Variants in CTCF observed in about 807,000 individuals in gnomAD.
CTCF encodes transcriptional repressor CTCF.
In CTCF, 7 loss-of-function variants were observed where a neutral mutation model predicts 72.3. The ratio of observed to expected loss-of-function variants is 0.10; its 90% CI spans 0.06 to 0.18. The LOEUF (loss-of-function observed/expected upper bound fraction) is 0.18. Ranked by LOEUF, CTCF falls within the 10% of genes least tolerant of loss-of-function variation. The pLI, the probability that CTCF is intolerant of heterozygous loss-of-function variation, is 1.00. For synonymous variants in CTCF, 374 were observed against 315.8 expected (o/e 1.18, Z -1.95); for missense variants, 516 against 949.1 (o/e 0.54, Z 6.00).
chr16:67,581,384 A>G, intron 2 of CTCF, among the ~76,000 whole-genome samples: 1 of 149,980 alleles, frequency 6.7e-6, no homozygotes, highest in Non-Finnish European at 1.5e-5. Context: ...GTGCAGTGGC[A>G]TGATCTAGGC....
chr16:67,578,325 C>A, intron 2 of CTCF, among the ~76,000 whole-genome samples: 1 of 84,488 alleles, frequency 1.2e-5, no homozygotes. Context: ...GTTTATGTAT[C>A]TTTTTTTTTT....
intron 2 of CTCF, among the ~76,000 whole-genome samples, chr16:67,594,242 AGTATGGTG>A (rs1477146435): frequency 6.6e-6 from 1 of 151,976 alleles, no homozygotes; most frequent in Non-Finnish European, 1.5e-5. Context: ...AAATGAACCA[AGTATGGTG>A]GCACATGCTT....
At chr16:67,616,449 C>G (rs1040999723) in intron 4 of CTCF, 1 of 310,448 alleles carries the variant, frequency 3.2e-6, no homozygotes, top group African/African-American at 2.1e-5. Flanking sequence ...TCCATAATGA[C>G]CAGGATATTC....
intron 10 of CTCF, 135 bp downstream of exon 10, chr16:67,629,668 C>A: frequency 1.4e-6 from 1 of 703,072 alleles, no homozygotes; most frequent in Non-Finnish European, 2.1e-6. Context: ...CATCTCCTAA[C>A]GTCTATTTAC....
chr16:67,612,608 G>T (rs1185984603), intron 4 of CTCF: 2 of 149,876 alleles, frequency 1.3e-5, no homozygotes, highest in Non-Finnish European at 3.0e-5. Flanking sequence ...GAAAAGAAAA[G>T]AAATAGAAGT....
chr16:67,580,427 C>G (rs2051563020), intron 2 of CTCF, among the ~76,000 whole-genome samples: 1 of 152,104 alleles, frequency 6.6e-6, no homozygotes. Flanking sequence ...TGGCCTTCAA[C>G]TCCTGGCCTC....
intron 2 of CTCF, among the ~76,000 whole-genome samples, chr16:67,599,800 G>C (rs1381467047): frequency 6.6e-6 from 1 of 152,152 alleles, no homozygotes; most frequent in African/African-American, 2.4e-5. Context: ...GTGATGGATT[G>C]GGTATACTGG....
intron 2 of CTCF, among the ~76,000 whole-genome samples, chr16:67,596,653 CG>C (rs2051819762): frequency 1.3e-5 from 2 of 151,902 alleles, no homozygotes. Flanking sequence ...GGCACGATCT[CG>C]GCTCACTGCA....
In CTCF at chr16:67,621,426, T is replaced by C. The variant is rs750166158; in HGVS notation, c.1208-16T>C. On this transcript the variant is annotated splice_polypyrimidine_tract_variant and intron_variant, in intron 6 of 11. Transcript: ENST00000264010. ...ATTCATTTCATTTATGTGTTCATTC[T>C]GTATTTTCTTTAAAGGGGAAAAGCC... is the stretch of plus-strand genomic sequence containing the variant. 13 of 1,566,342 alleles carry C rather than the reference T, an allele frequency of 8.3e-6. No individual in the cohort carries two copies. The highest frequency in any genetic ancestry group is 1.7e-5 in the Admixed American group (1 of 59,622).
chr16:67,635,941 TTAA>T (rs1429012166), intron 10 of CTCF, among the ~76,000 whole-genome samples: 2 of 152,104 alleles, frequency 1.3e-5, no homozygotes, highest in East Asian at 3.9e-4. Flanking sequence ...TTGATTTTTC[TTAA>T]TAATTGGCTG....
intron 2 of CTCF, among the ~76,000 whole-genome samples, chr16:67,604,268 C>G (rs2142800514): frequency 6.6e-6 from 1 of 152,178 alleles, no homozygotes; most frequent in East Asian, 1.9e-4. Flanking sequence ...GTGATCCTAC[C>G]ACTGCACTCC....
At chr16:67,591,733 G>A (rs1300106529) in intron 2 of CTCF, among the ~76,000 whole-genome samples, 1 of 151,960 alleles carries the variant, frequency 6.6e-6, no homozygotes, top group Non-Finnish European at 1.5e-5. Flanking sequence ...GGGGGGGGCA[G>A]TAAGGGCACA....
At chr16:67,637,583 G>T in intron 11 of CTCF, 105 bp from the exon 12 acceptor site, 1 of 863,266 alleles carries the variant, frequency 1.2e-6, no homozygotes, top group Non-Finnish European at 1.8e-6. Context: ...ATCTAATAAG[G>T]CTGTCCTGCA....
intron 11 of CTCF, among the ~76,000 whole-genome samples, chr16:67,637,422 C>T (rs368981687): frequency 1.3e-5 from 2 of 152,208 alleles, no homozygotes; most frequent in South Asian, 2.1e-4. Flanking sequence ...GTCCCATCTA[C>T]TCAGGAGGCT....
intron 2 of CTCF, among the ~76,000 whole-genome samples, chr16:67,577,349 C>T (rs1329537111): frequency 7.4e-6 from 1 of 135,346 alleles, no homozygotes; most frequent in Admixed American, 7.6e-5. Context: ...ACCTGGGAGG[C>T]TCTGTCTCAA....
chr16:67,566,109 C>G (rs944380147), intron 1 of CTCF, among the ~76,000 whole-genome samples: 2 of 152,070 alleles, frequency 1.3e-5, no homozygotes, highest in Non-Finnish European at 2.9e-5. Context: ...ACTGTTTTGC[C>G]AAAAATTAGG....
intron 6 of CTCF, 77 bp from the exon 7 acceptor site, chr16:67,621,365 C>A: frequency 3.7e-6 from 4 of 1,075,046 alleles, no homozygotes; most frequent in Non-Finnish European, 5.6e-6. Context: ...AGCATATCTG[C>A]CACCTGAGTT....
intron 2 of CTCF, among the ~76,000 whole-genome samples, chr16:67,604,964 ATTTTTTTT>A (rs34873720): frequency 1.4e-4 from 10 of 73,776 alleles, no homozygotes; most frequent in African/African-American, 3.8e-4. Flanking sequence ...TATAAATGGG[ATTTTTTTT>A]TTTTTTTTTT....
Position 67,628,355 on chromosome 16 carries a change from C to T in CTCF, c.1519-15C>T. On this transcript the variant is annotated splice_polypyrimidine_tract_variant and intron_variant, in intron 8 of 11. Coordinates refer to ENST00000264010, the MANE Select transcript of CTCF (RefSeq NM_006565.4). Reference sequence around the variant, plus strand: ...ATGAGCAGGCTCTGAGGCCTTTCCCCCTATGCCGTTTCAGGAGAGGCACAT... The same window carrying T: ...ATGAGCAGGCTCTGAGGCCTTTCCCTCTATGCCGTTTCAGGAGAGGCACAT... 1 of 1,611,434 alleles carries T rather than the reference C, an allele frequency of 6.2e-7. No homozygotes were observed. Among genetic ancestry groups the T allele is most frequent in the South Asian group, 1.1e-5 (1 of 91,002 alleles).
Sources: allele counts gnomAD v4.1 joint callset (sites outside exome capture counted in the v4.1 genomes callset), GRCh38; gene constraint gnomAD v4.1.1; transcripts MANE v1.5; gene names NCBI Gene and HGNC (gene_info 2026-07-23, HGNC 2026-07-21).